The following XIRP2 variants were observed in gnomAD, a reference collection of about 807,000 sequenced individuals.
XIRP2 encodes the protein xin actin binding repeat containing 2, also known as xin actin-binding repeat-containing protein 2.
Under a neutral mutation model 277.0 loss-of-function variants are expected in XIRP2, and 236 were observed. The ratio of observed to expected loss-of-function variants is 0.85; its 90% CI spans 0.77 to 0.95. The LOEUF (loss-of-function observed/expected upper bound fraction) is 0.95. Ranked by LOEUF, XIRP2 falls within the 40% of genes least tolerant of loss-of-function variation. The pLI is 0.00. For missense variants in XIRP2, 4,640 were observed against 4,157.5 expected (o/e 1.12, Z -3.19); for synonymous variants, 1,490 against 1,416.5 (o/e 1.05, Z -1.17).
chr2:167,191,228 A>T (rs1693323224), intron 3 of XIRP2, among the ~76,000 whole-genome samples: 1 of 150,422 alleles, frequency 6.6e-6, no homozygotes, highest in Non-Finnish European at 1.5e-5. Flanking sequence ...AAAGAAAAGA[A>T]AAGAAAAGAA....
intron 2 of XIRP2, among the ~76,000 whole-genome samples, chr2:166,986,401 A>G (rs79731031): frequency 0.015 from 2,306 of 152,342 alleles, 67 homozygotes; most frequent in African/African-American, 0.053. Context: ...AACATTGTAT[A>G]AAATATCAAT....
At chr2:167,196,066 T>C (rs1403616601) in intron 3 of XIRP2, among the ~76,000 whole-genome samples, 1 of 151,988 alleles carries the variant, frequency 6.6e-6, no homozygotes, top group Admixed American at 6.6e-5. Context: ...GAGAGAGAGA[T>C]TCATAGTTCT....
chr2:167,128,421 A>G (rs1691272287), intron 2 of XIRP2, among the ~76,000 whole-genome samples: 1 of 152,132 alleles, frequency 6.6e-6, no homozygotes, highest in South Asian at 2.1e-4. Flanking sequence ...CGTATCTGCA[A>G]CAAACCATGC....
chr2:167,197,015 G>T (rs1479198031), intron 3 of XIRP2, among the ~76,000 whole-genome samples: 3 of 152,148 alleles, frequency 2.0e-5, no homozygotes, highest in Non-Finnish European at 4.4e-5. Flanking sequence ...ATAATAATGA[G>T]AAATTTTGGC....
chr2:167,094,180 T>C (rs1306602270), intron 2 of XIRP2, among the ~76,000 whole-genome samples: 2 of 152,228 alleles, frequency 1.3e-5, no homozygotes, highest in Non-Finnish European at 2.9e-5. Flanking sequence ...TTTTTTCTTG[T>C]AAATATGTTT....
intron 2 of XIRP2, among the ~76,000 whole-genome samples, chr2:167,025,014 G>C (rs892036427): frequency 6.6e-6 from 1 of 152,100 alleles, no homozygotes; most frequent in African/African-American, 2.4e-5. Flanking sequence ...GATTGGAATA[G>C]TTTCAGAAGG....
intron 2 of XIRP2, among the ~76,000 whole-genome samples, chr2:167,033,872 C>A (rs1688433896): frequency 6.6e-6 from 1 of 151,976 alleles, no homozygotes; most frequent in African/African-American, 2.4e-5. Context: ...ACAGGAAATG[C>A]TAAAGGAAAT....
intron 3 of XIRP2, among the ~76,000 whole-genome samples, chr2:167,189,196 A>G (rs2105364387): frequency 6.6e-6 from 1 of 152,118 alleles, no homozygotes; most frequent in East Asian, 1.9e-4. Context: ...GGAGTTGGGC[A>G]CTCCTGGTAA....
chr2:167,058,317 G>A (rs187069352), intron 2 of XIRP2, among the ~76,000 whole-genome samples: 1 of 152,032 alleles, frequency 6.6e-6, no homozygotes, highest in African/African-American at 2.4e-5. Context: ...GAACTCCCGG[G>A]TGATCCACCC....
In XIRP2 at chr2:166,930,347, A is replaced by C. The variant is rs184654616; in HGVS notation, c.408+26457A>C. Among the ~76,000 whole-genome samples the C allele has an allele frequency of 3.7e-3, 556 of 152,274 alleles. 2 individuals are homozygous for C. The highest frequency in any genetic ancestry group is 0.012 in the African/African-American group (513 of 41,572). On this transcript the variant is annotated intron_variant, in intron 2 of 10. Transcript: ENST00000409195. ...CCTCCTCCCTGACTGTTAATAGGCAACTTTTCTGAAACAGCGTGTTAATGA... is the reference window on the plus strand; with the variant it reads ...CCTCCTCCCTGACTGTTAATAGGCACCTTTTCTGAAACAGCGTGTTAATGA...
chr2:167,245,514 C>T lies in XIRP2; in HGVS notation c.4122C>T (p.Val1374=), dbSNP rs376927051. The T allele has an allele frequency of 4.5e-5, 73 of 1,613,410 alleles. No individual in the cohort carries two copies. The highest frequency in any genetic ancestry group is 5.5e-5 in the Non-Finnish European group (65 of 1,179,722). ...AAACTGTGTATGTTATTAAATCTGT[C>T]ACACAAGAAGACATTCAGAAGGGAG... The part of the protein sequence containing the change: ...KSETVYVIKS[V]TQEDIQKGDV... Residue 1374 remains valine (V), a synonymous_variant, in exon 9 of 11, where the codon GTC becomes GTT. Coordinates refer to ENST00000409195, the MANE Select transcript of XIRP2 (RefSeq NM_152381.6).
intron 2 of XIRP2, among the ~76,000 whole-genome samples, chr2:166,916,386 C>T (rs764607911): frequency 3.9e-5 from 6 of 152,188 alleles, no homozygotes; most frequent in Non-Finnish European, 7.3e-5. Context: ...CCACCCTCTC[C>T]TCTCATCAGT....
At chr2:167,094,352 G>C (rs1690236817) in intron 2 of XIRP2, among the ~76,000 whole-genome samples, 1 of 152,116 alleles carries the variant, frequency 6.6e-6, no homozygotes. Flanking sequence ...GGCTTTTGTT[G>C]CAGTTGCTTT....
intron 2 of XIRP2, among the ~76,000 whole-genome samples, chr2:167,088,531 A>T (rs11694517): frequency 0.69 from 105,411 of 152,020 alleles, 39,403 homozygotes; most frequent in Non-Finnish European, 0.83. Flanking sequence ...ATATGAACAT[A>T]TCAAGCCCCA....
intron 2 of XIRP2, among the ~76,000 whole-genome samples, chr2:167,122,431 A>G (rs112495494): frequency 6.6e-6 from 1 of 152,306 alleles, no homozygotes; most frequent in Non-Finnish European, 1.5e-5. Flanking sequence ...AAGGATGAAA[A>G]GGCTTATTCT....
chr2:166,934,938 G>A (rs907729248), intron 2 of XIRP2, among the ~76,000 whole-genome samples: 4 of 152,140 alleles, frequency 2.6e-5, no homozygotes, highest in African/African-American at 7.2e-5. Context: ...AGCTATGTGA[G>A]GAGAATGGCT....
At chr2:166,925,241 G>A (rs60673875) in intron 2 of XIRP2, among the ~76,000 whole-genome samples, 1,705 of 152,084 alleles carry the variant, frequency 0.011, 31 homozygotes, top group East Asian at 0.04. Flanking sequence ...AAAGGCATAT[G>A]AAGTTTTCAT....
At chr2:167,139,456 T>C (rs1168981034) in intron 3 of XIRP2, among the ~76,000 whole-genome samples, 1 of 152,210 alleles carries the variant, frequency 6.6e-6, no homozygotes, top group Non-Finnish European at 1.5e-5. Flanking sequence ...TTTCCAGGCT[T>C]TTGCAATAAA....
In XIRP2 at chr2:167,006,272, C is replaced by G. The variant is rs376706690; in HGVS notation, c.408+102382C>G. ...AGCTACCAAGGATTTTTTATCCCCC[C>G]TAGGAGTTAGAGAAGACTTTGTAGA... On this transcript the variant is annotated intron_variant, in intron 2 of 10. Transcript: ENST00000409195. Among the ~76,000 whole-genome samples, 121 of 151,606 alleles carry G rather than the reference C, an allele frequency of 8.0e-4. 1 individual carries two copies. Among genetic ancestry groups the G allele is most frequent in the African/African-American group, 2.7e-3 (113 of 41,418 alleles).
Sources: gnomAD v4.1 joint callset for allele counts (sites outside exome capture counted in the v4.1 genomes callset) on GRCh38, gnomAD v4.1.1 for gene constraint, MANE v1.5 for transcripts, NCBI Gene and HGNC (gene_info 2026-07-23, HGNC 2026-07-21) for gene names.